Variants in CAST observed in about 807,000 individuals in gnomAD.
CAST encodes calpastatin.
Under a neutral mutation model 119.6 loss-of-function variants are expected in CAST, and 76 were observed. The ratio of observed to expected loss-of-function variants is 0.64; its 90% CI spans 0.53 to 0.77. The LOEUF (loss-of-function observed/expected upper bound fraction) is 0.77, where lower values mean the gene tolerates loss of function less well. Among genes scored for constraint, CAST ranks in the 30% least tolerant of loss-of-function variants. The pLI, the probability that CAST is intolerant of heterozygous loss-of-function variation, is 0.00. For missense variants in CAST, 953 were observed against 946.5 expected, an observed-to-expected ratio of 1.01 and a Z score of -0.09; for synonymous variants, 319 against 331.6, an observed-to-expected ratio of 0.96 and a Z score of 0.41.
chr5:96,264,316 T>A, the CAST span, among the ~76,000 whole-genome samples: 3 of 152,334 alleles, frequency 2.0e-5, no homozygotes, highest in African/African-American at 7.2e-5. Context: ...GTAAAACACA[T>A]TAAATAAGTC....
chr5:96,413,519 G>T, the CAST span, among the ~76,000 whole-genome samples: 1 of 152,310 alleles, frequency 6.6e-6, no homozygotes, highest in South Asian at 2.1e-4. Flanking sequence ...TGCATTTAGA[G>T]CCAGGCGCAG....
intron 1 of CAST, among the ~76,000 whole-genome samples, chr5:96,621,303 T>C (rs1476610177): frequency 6.6e-6 from 1 of 152,214 alleles, no homozygotes. Flanking sequence ...AAATATAAAA[T>C]CATAGCAATT....
the CAST span, among the ~76,000 whole-genome samples, chr5:96,001,785 C>T: frequency 6.6e-6 from 1 of 152,210 alleles, no homozygotes; most frequent in Admixed American, 6.5e-5. Flanking sequence ...AATTCTGAAT[C>T]ACATTATCAA....
At chr5:96,065,656 G>A in the CAST span, among the ~76,000 whole-genome samples, 81 of 152,192 alleles carry the variant, frequency 5.3e-4, no homozygotes, top group African/African-American at 1.8e-3. Context: ...AATAGAAATA[G>A]CATATTTGGT....
the CAST span, among the ~76,000 whole-genome samples, chr5:96,438,276 T>A: frequency 4.6e-5 from 7 of 152,194 alleles, no homozygotes; most frequent in Non-Finnish European, 8.8e-5. Flanking sequence ...ACAAAACTTG[T>A]GTATACCGTT....
the CAST span, among the ~76,000 whole-genome samples, chr5:96,153,180 G>A: frequency 1.3e-5 from 2 of 152,150 alleles, no homozygotes; most frequent in African/African-American, 4.8e-5. Flanking sequence ...AGTAGAAAGA[G>A]CATAAGCATT....
At position 96,588,196 on chromosome 5, in the gene CAST, C is replaced by CTTTTTTTTTT. The variant is rs140665192; in HGVS notation, c.60+58331_60+58340dup. 5.1e-3 allele frequency among the ~76,000 whole-genome samples: 385 copies of CTTTTTTTTTT among 75,834 alleles called. 19 individuals are homozygous for CTTTTTTTTTT. The highest frequency in any genetic ancestry group is 0.013 in the Middle Eastern group (1 of 80). The allele number at this position is 75,834 out of a possible 152,430, so 49.8% of individuals were successfully genotyped here. A position where few individuals can be genotyped will look rare whatever the true frequency, so the allele number is the denominator to read the frequency against. On this transcript the variant is annotated intron_variant, in intron 1 of 11. Coordinates refer to the CAST transcript ENST00000505143. ...TATTATTTTCTTTCTTTCTTTCTTT[C>CTTTTTTTTTT]TTTTTTTTTTTTTTTTTTTTTTTTG...
chr5:96,762,211 G>A lies in CAST; in HGVS notation c.1834-63G>A. On this transcript the variant is annotated intron_variant, in intron 24 of 31. Coordinates refer to ENST00000675179, the MANE Select transcript of CAST (RefSeq NM_001750.7). ...CTATCTTTAAGAGTTATAGTTAAGT[G>A]ATGGCATTGTGCTCATAATTTTATA... is the stretch of plus-strand genomic sequence containing the variant. The A allele has an allele frequency of 3.0e-6, 3 of 990,700 alleles. No individual in the cohort carries two copies. In the South Asian group the frequency reaches 4.7e-5, roughly 16 times the overall value. The allele number at this position is 990,700 out of a possible 1,614,324, so 61.4% of individuals were successfully genotyped here.
chr5:96,627,498 C>T (rs1415816265), intron 1 of CAST, among the ~76,000 whole-genome samples: 1 of 152,120 alleles, frequency 6.6e-6, no homozygotes, highest in Non-Finnish European at 1.5e-5. Context: ...TGGCAAAATA[C>T]AAAGTCAGAC....
At chr5:96,062,845 G>T in the CAST span, among the ~76,000 whole-genome samples, 1 of 152,078 alleles carries the variant, frequency 6.6e-6, no homozygotes, top group South Asian at 2.1e-4. Flanking sequence ...GCAGTGATGA[G>T]GTCTGGGTCA....
chr5:96,609,837 AT>A (rs34621023), intron 1 of CAST, among the ~76,000 whole-genome samples: 52,496 of 151,926 alleles, frequency 0.35, 10,370 homozygotes, highest in Admixed American at 0.44. Context: ...TCAGGGGGGC[AT>A]TTTTTAAATG....
At chr5:96,304,259 G>A in the CAST span, among the ~76,000 whole-genome samples, 1 of 152,210 alleles carries the variant, frequency 6.6e-6, no homozygotes, top group East Asian at 1.9e-4. Context: ...TTTGAGATGT[G>A]TCTGTTCATA....
At chr5:96,087,872 G>A in the CAST span, among the ~76,000 whole-genome samples, 1 of 152,212 alleles carries the variant, frequency 6.6e-6, no homozygotes, top group East Asian at 1.9e-4. Context: ...ATCAGATGGA[G>A]TGAAACAAGT....
chr5:96,047,860 T>A, the CAST span, among the ~76,000 whole-genome samples: 6 of 152,150 alleles, frequency 3.9e-5, no homozygotes, highest in Admixed American at 1.3e-4. Context: ...AAGCCTGCTC[T>A]GGAGACATGA....
chr5:96,702,801 C>T (rs781673211), intron 3 of CAST: 16 of 985,370 alleles, frequency 1.6e-5, no homozygotes, highest in Middle Eastern at 5.2e-4. Context: ...CGCCCCGTCG[C>T]ACTCAGAGAG....
chr5:96,491,788 T>C, the CAST span, among the ~76,000 whole-genome samples: 1 of 152,146 alleles, frequency 6.6e-6, no homozygotes, highest in Non-Finnish European at 1.5e-5. Flanking sequence ...GATAAATAAA[T>C]TGTGCTGTAT....
chr5:96,688,103 T>C (rs1161574532), intron 2 of CAST, among the ~76,000 whole-genome samples: 1 of 152,216 alleles, frequency 6.6e-6, no homozygotes, highest in Non-Finnish European at 1.5e-5. Context: ...TGTTAAAAAA[T>C]TATGGAAAAA....
the CAST span, among the ~76,000 whole-genome samples, chr5:96,174,876 C>A: frequency 6.6e-6 from 1 of 152,056 alleles, no homozygotes; most frequent in African/African-American, 2.4e-5. Context: ...TAAAGGTTTT[C>A]TTTTCAATCT....
chr5:96,742,630 G>A (rs773979890), intron 15 of CAST, 25 bp from the exon 16 acceptor site: 170 of 1,462,120 alleles, frequency 1.2e-4, no homozygotes, highest in Non-Finnish European at 1.5e-4. Flanking sequence ...CTTTTTTCAT[G>A]CACAGGATTT....
Sources: allele counts gnomAD v4.1 joint callset (sites outside exome capture counted in the v4.1 genomes callset), GRCh38; gene constraint gnomAD v4.1.1; transcripts MANE v1.5; gene names NCBI Gene and HGNC (gene_info 2026-07-23, HGNC 2026-07-21).